The following ALCAM variants were observed in gnomAD, a reference collection of about 807,000 sequenced individuals.
ALCAM encodes the protein CD166 antigen.
Under a neutral mutation model 70.9 loss-of-function variants are expected in ALCAM, and 30 were observed. The observed-to-expected ratio is 0.42, with a 90% CI of 0.32 to 0.57. The LOEUF (loss-of-function observed/expected upper bound fraction) is 0.57, where lower values mean the gene tolerates loss of function less well. Ranked by LOEUF, ALCAM falls within the 20% of genes least tolerant of loss-of-function variation. ALCAM has a pLI of 0.11. For missense variants in ALCAM, 591 were observed against 695.1 expected (o/e 0.85, Z 1.68); for synonymous variants, 249 against 242.5 (o/e 1.03, Z -0.25).
At position 105,514,413 on chromosome 3, in the gene ALCAM, A is replaced by G. The variant is rs1022681969; in HGVS notation, c.74-5654A>G. ...GAGAAACTGTGACGTATCCAGCCCC[A>G]TAGATCATTTCATGCTTGTAGAATA... is the stretch of plus-strand genomic sequence containing the variant. On this transcript the variant is annotated intron_variant, in intron 1 of 15. Transcript: ENST00000306107. 7.2e-5 allele frequency among the ~76,000 whole-genome samples: 11 copies of G among 151,956 alleles called. 1 individual carries two copies. Among genetic ancestry groups the G allele is most frequent in the Non-Finnish European group, 1.5e-5 (1 of 67,872 alleles).
chr3:105,546,950 G>A (rs1940264149), intron 9 of ALCAM, among the ~76,000 whole-genome samples, 199 bp from the exon 10 acceptor site: 1 of 151,296 alleles, frequency 6.6e-6, no homozygotes, highest in Admixed American at 6.6e-5. Context: ...GAAAGAGCGT[G>A]AAATAAAAAT....
intron 1 of ALCAM, chr3:105,440,993 A>G (rs1406933305): frequency 6.6e-6 from 1 of 152,146 alleles, no homozygotes; most frequent in Admixed American, 6.6e-5. Context: ...AGAAACTTCA[A>G]CTGATTTTTA....
chr3:105,481,009 C>A lies in ALCAM; in HGVS notation c.74-39058C>A, dbSNP rs1026293676. ...TGCATAACTCCTCTCATTGCCCTAT[C>A]TGTTGACCCCCAGAGAGGCTAAAAG... On this transcript the variant is annotated intron_variant, in intron 1 of 15. Coordinates refer to ENST00000306107, the MANE Select transcript of ALCAM (RefSeq NM_001627.4). Among the ~76,000 whole-genome samples the A allele has an allele frequency of 2.6e-4, 40 of 152,074 alleles. 1 individual carries two copies. Among genetic ancestry groups the A allele is most frequent in the Admixed American group, 6.6e-4 (10 of 15,242 alleles).
At chr3:105,525,158 TA>T in intron 3 of ALCAM, 4 of 983,562 alleles carry the variant, frequency 4.1e-6, no homozygotes, top group Non-Finnish European at 4.8e-6. Context: ...GTCCTAAAAT[TA>T]AAAAAACTCA....
intron 1 of ALCAM, among the ~76,000 whole-genome samples, chr3:105,431,621 A>G (rs973032522): frequency 6.6e-6 from 1 of 152,150 alleles, no homozygotes; most frequent in Non-Finnish European, 1.5e-5. Flanking sequence ...GCAAAGTCAC[A>G]TGGCAAATAT....
chr3:105,411,617 G>C (rs1936393509), intron 1 of ALCAM, among the ~76,000 whole-genome samples: 1 of 152,026 alleles, frequency 6.6e-6, no homozygotes, highest in African/African-American at 2.4e-5. Flanking sequence ...CCATCTTAGG[G>C]AATACTGTCT....
intron 8 of ALCAM, chr3:105,544,810 C>A (rs1009012542): frequency 5.9e-6 from 1 of 169,846 alleles, no homozygotes; most frequent in Non-Finnish European, 1.3e-5. Context: ...CAATTTATCA[C>A]CTGCTGTCTA....
intron 1 of ALCAM, among the ~76,000 whole-genome samples, chr3:105,453,651 A>T (rs968545700): frequency 6.6e-6 from 1 of 152,130 alleles, no homozygotes; most frequent in Non-Finnish European, 1.5e-5. Flanking sequence ...TGAATCTATA[A>T]ATTACTTTGG....
chr3:105,427,662 C>T (rs1255335551), intron 1 of ALCAM, among the ~76,000 whole-genome samples: 2 of 151,862 alleles, frequency 1.3e-5, no homozygotes, highest in Non-Finnish European at 2.9e-5. Context: ...CCTAAATAAG[C>T]TGTACAATGT....
chr3:105,553,691 G>A (rs763933280), intron 14 of ALCAM, among the ~76,000 whole-genome samples: 2 of 151,876 alleles, frequency 1.3e-5, no homozygotes, highest in Non-Finnish European at 2.9e-5. Flanking sequence ...ATAGCAGCAT[G>A]AGCATGTATT....
intron 1 of ALCAM, among the ~76,000 whole-genome samples, chr3:105,397,423 G>A (rs1045220556): frequency 6.6e-6 from 1 of 151,856 alleles, no homozygotes; most frequent in Non-Finnish European, 1.5e-5. Context: ...AACAAAAAGT[G>A]ATAACTCTAA....
intron 7 of ALCAM, among the ~76,000 whole-genome samples, chr3:105,540,900 A>T (rs1940099481): frequency 6.6e-6 from 1 of 152,072 alleles, no homozygotes; most frequent in African/African-American, 2.4e-5. Flanking sequence ...TTATGCTGAC[A>T]GAAAACTTTG....
intron 1 of ALCAM, among the ~76,000 whole-genome samples, chr3:105,502,761 C>A (rs1026867637): frequency 3.3e-5 from 5 of 152,210 alleles, no homozygotes; most frequent in African/African-American, 1.2e-4. Context: ...TCACTAGTAA[C>A]CAAAATTAAC....
chr3:105,417,019 C>T (rs1936523105), intron 1 of ALCAM, among the ~76,000 whole-genome samples: 1 of 151,930 alleles, frequency 6.6e-6, no homozygotes, highest in African/African-American at 2.4e-5. Context: ...AAAAGCCCAG[C>T]ATGACATGTC....
rs188582489 is a variant in ALCAM at position 105,370,234 on chromosome 3, A to G, written c.73+2753A>G. ...CAACTCAAATAATGTCCTTTCAAAG[A>G]CTATTGATGTAGGACTATTGAAATT... On this transcript the variant is annotated intron_variant, in intron 1 of 15. Coordinates refer to ENST00000306107, the MANE Select transcript of ALCAM (RefSeq NM_001627.4). 2.7e-3 allele frequency among the ~76,000 whole-genome samples: 416 copies of G among 152,352 alleles called. 1 individual carries two copies. Among genetic ancestry groups the G allele is most frequent in the African/African-American group, 9.4e-3 (391 of 41,580 alleles).
intron 3 of ALCAM, among the ~76,000 whole-genome samples, chr3:105,529,117 T>G (rs144789276): frequency 2.2e-4 from 34 of 152,182 alleles, no homozygotes; most frequent in Middle Eastern, 3.2e-3. Context: ...GTGGCCCTAT[T>G]ATAATATAGC....
intron 1 of ALCAM, among the ~76,000 whole-genome samples, chr3:105,454,132 T>G (rs1401840628): frequency 6.6e-6 from 1 of 152,246 alleles, no homozygotes; most frequent in South Asian, 2.1e-4. Flanking sequence ...AAAATAATAT[T>G]TATAATTTTT....
intron 14 of ALCAM, among the ~76,000 whole-genome samples, chr3:105,563,667 CTTTTTTTTTTTTTT>C (rs749625480): frequency 5.8e-5 from 3 of 52,046 alleles, no homozygotes; most frequent in South Asian, 9.3e-4. Flanking sequence ...CCAAGCATTT[CTTTTTTTTTTTTTT>C]TTTTTTTTTT....
At chr3:105,429,416 G>T (rs1936872122) in intron 1 of ALCAM, among the ~76,000 whole-genome samples, 2 of 151,982 alleles carry the variant, frequency 1.3e-5, no homozygotes, top group South Asian at 4.1e-4. Context: ...ATATGAACTA[G>T]CTTGAACATT....
Sources: gnomAD v4.1 joint callset for allele counts (sites outside exome capture counted in the v4.1 genomes callset) on GRCh38, gnomAD v4.1.1 for gene constraint, MANE v1.5 for transcripts, NCBI Gene and HGNC (gene_info 2026-07-23, HGNC 2026-07-21) for gene names.